PDE3A: variants seen among roughly 807,000 people sequenced by gnomAD.
PDE3A encodes the protein phosphodiesterase 3A.
Under a neutral mutation model 98.3 loss-of-function variants are expected in PDE3A, and 43 were observed. The observed-to-expected ratio is 0.44, with a 90% CI of 0.34 to 0.56. The LOEUF (loss-of-function observed/expected upper bound fraction) is 0.56. Among genes scored for constraint, PDE3A ranks in the 20% least tolerant of loss-of-function variants. The pLI, the probability that PDE3A is intolerant of heterozygous loss-of-function variation, is 0.01. For missense variants in PDE3A, 1,427 were observed against 1,440.7 expected, an observed-to-expected ratio of 0.99 and a Z score of 0.15; for synonymous variants, 663 against 567.9, an observed-to-expected ratio of 1.17 and a Z score of -2.38.
In PDE3A at chr12:20,688,181, C is replaced by A. The variant is rs1014264212; in HGVS notation, c.*7910C>A. Among the ~76,000 whole-genome samples the A allele has an allele frequency of 3.3e-4, 50 of 151,956 alleles. No homozygotes were observed. The highest frequency in any genetic ancestry group is 2.5e-3 in the South Asian group (12 of 4,824). On this transcript the variant is annotated 3_prime_UTR_variant, in exon 16 of 16. Transcript: ENST00000359062. ...ATAACTTTGCCAAATTTTTCAACTT[C>A]TAGAAAAACAAGAGTGAGTCTTTTG...
In PDE3A at chr12:20,552,691, A is replaced by C. The variant is rs1485934754; in HGVS notation, c.961-3969A>C. On this transcript the variant is annotated intron_variant, in intron 1 of 15. Transcript: ENST00000359062. This position sits in a 1 kb window ranked among gnomAD's most constrained non-coding sequence, Gnocchi z 5.1. The stretch of plus-strand genomic sequence containing the variant: ...GCAGAGCAGCCTCATCAGAGAGGAC[A>C]AGAGCAACGCCAAGCTGTGGAATGA... 1 of 1,613,892 alleles carries C rather than the reference A, an allele frequency of 6.2e-7. No homozygotes were observed. Among genetic ancestry groups the C allele is most frequent in the Non-Finnish European group, 8.5e-7 (1 of 1,179,892 alleles).
At position 20,552,776 on chromosome 12, in the gene PDE3A, G is replaced by A; in HGVS notation, c.961-3884G>A. ...GGCAGCCCGTTCCAGTTGTTCCTGAGTAAAGTGGAGGAGACGTTCCAGTGT... is the reference window on the plus strand; with the variant it reads ...GGCAGCCCGTTCCAGTTGTTCCTGAATAAAGTGGAGGAGACGTTCCAGTGT... On this transcript the variant is annotated intron_variant, in intron 1 of 15. Coordinates refer to ENST00000359062, the MANE Select transcript of PDE3A (RefSeq NM_000921.5). This position sits in a 1 kb window ranked among gnomAD's most constrained non-coding sequence, Gnocchi z 5.1. The A allele has an allele frequency of 6.2e-7, 1 of 1,614,050 alleles. No individual in the cohort carries two copies. The highest frequency in any genetic ancestry group is 1.7e-5 in the Admixed American group (1 of 60,032).
At chr12:20,649,654 A>G (rs991519565) in intron 13 of PDE3A, among the ~76,000 whole-genome samples, 1 of 152,188 alleles carries the variant, frequency 6.6e-6, no homozygotes, top group Admixed American at 6.5e-5. Flanking sequence ...GGCCAAGCAC[A>G]ATGGCTCACG....
At chr12:20,401,934 T>C (rs761160485) in intron 1 of PDE3A, among the ~76,000 whole-genome samples, 5 of 152,198 alleles carry the variant, frequency 3.3e-5, no homozygotes, top group Non-Finnish European at 5.9e-5. Context: ...GAAATTTAGA[T>C]AATATCTTAA....
chr12:20,369,366 G>T lies in PDE3A; in HGVS notation c.82G>T (p.Asp28Tyr). The change falls in exon 1 of 16, where the codon GAC (aspartate) becomes TAC (tyrosine). Residue 28 changes from aspartate to tyrosine, a missense_variant. Asp to Tyr is a radical substitution (Grantham distance 160). This residue lies in a region of PDE3A where 1,012 missense variants were observed against 886.5 expected (regional missense o/e 1.14). Coordinates refer to ENST00000359062, the MANE Select transcript of PDE3A (RefSeq NM_000921.5). ...GVSQAPTAGRDCHHRADPASP... is the reference protein window; with the variant it reads ...GVSQAPTAGRYCHHRADPASP... ...GAGTCAAGCCCCCACGGCGGGCCGG[G>T]ACTGCCACCATCGTGCGGACCCCGC... 6.5e-7 allele frequency: 1 copy of T among 1,549,458 alleles called. No individual in the cohort carries two copies. The highest frequency in any genetic ancestry group is 8.7e-7 in the Non-Finnish European group (1 of 1,146,980).
intron 10 of PDE3A, among the ~76,000 whole-genome samples, chr12:20,643,585 GATGT>G (rs1161444929): frequency 6.6e-6 from 1 of 151,808 alleles, no homozygotes; most frequent in Non-Finnish European, 1.5e-5. Flanking sequence ...CATATAACTA[GATGT>G]ATATGTTTAG....
chr12:20,560,395 C>T (rs1261553552), intron 2 of PDE3A, among the ~76,000 whole-genome samples: 1 of 152,108 alleles, frequency 6.6e-6, no homozygotes, highest in Non-Finnish European at 1.5e-5. Flanking sequence ...AAAGTAGTTA[C>T]ACCAAGGAGA....
At chr12:20,572,433 A>G (rs532240587) in intron 2 of PDE3A, among the ~76,000 whole-genome samples, 97 of 152,254 alleles carry the variant, frequency 6.4e-4, no homozygotes, top group African/African-American at 2.2e-3. Context: ...GTTAAACAGA[A>G]TATTTTATTA....
At chr12:20,397,147 T>G (rs1290025182) in intron 1 of PDE3A, among the ~76,000 whole-genome samples, 1 of 152,142 alleles carries the variant, frequency 6.6e-6, no homozygotes, top group African/African-American at 2.4e-5. Flanking sequence ...AAATGTATGT[T>G]TGTAAGTACA....
intron 1 of PDE3A, among the ~76,000 whole-genome samples, chr12:20,442,478 AC>A (rs1161851161): frequency 6.6e-6 from 1 of 152,174 alleles, no homozygotes; most frequent in East Asian, 1.9e-4. Flanking sequence ...GGTTCTCAGC[AC>A]TTCTGGCTGG....
Position 20,513,760 on chromosome 12 carries a change from C to A in PDE3A, c.961-42900C>A, listed in dbSNP as rs149468192. ...TTTGACACATCTGATAGAGATTCCA[C>A]TGAAGTTTTACTGAGATGATTGAAA... On this transcript the variant is annotated intron_variant, in intron 1 of 15. Coordinates refer to ENST00000359062, the MANE Select transcript of PDE3A (RefSeq NM_000921.5). Among the ~76,000 whole-genome samples the A allele has an allele frequency of 4.4e-4, 67 of 152,272 alleles. 1 individual carries two copies. Among genetic ancestry groups the A allele is most frequent in the Admixed American group, 4.2e-3 (64 of 15,282 alleles).
intron 15 of PDE3A, among the ~76,000 whole-genome samples, chr12:20,659,351 A>T (rs184639888): frequency 6.6e-6 from 1 of 152,278 alleles, no homozygotes; most frequent in Admixed American, 6.5e-5. Flanking sequence ...TCAAAATAAA[A>T]CTGTTAAAAG....
At chr12:20,427,601 T>G (rs1405007922) in intron 1 of PDE3A, among the ~76,000 whole-genome samples, 1 of 152,204 alleles carries the variant, frequency 6.6e-6, no homozygotes, top group Non-Finnish European at 1.5e-5. Flanking sequence ...ATGTTCAATT[T>G]CAGCAGTTTG....
At chr12:20,435,585 T>A (rs1252164095) in intron 1 of PDE3A, among the ~76,000 whole-genome samples, 1 of 152,018 alleles carries the variant, frequency 6.6e-6, no homozygotes, top group East Asian at 1.9e-4. Context: ...GATTTGGGAG[T>A]CATAAGATTT....
At chr12:20,385,473 C>G (rs140167785) in intron 1 of PDE3A, among the ~76,000 whole-genome samples, 1 of 151,936 alleles carries the variant, frequency 6.6e-6, no homozygotes, top group East Asian at 2.0e-4. Context: ...CATGCTGCTA[C>G]AAAGACACAT....
intron 2 of PDE3A, among the ~76,000 whole-genome samples, chr12:20,609,782 G>C (rs189188701): frequency 4.1e-4 from 62 of 152,104 alleles, no homozygotes; most frequent in Middle Eastern, 3.4e-3. Flanking sequence ...AAGGGTGCTA[G>C]GAGGACACAG....
chr12:20,520,559 T>C (rs1484976587), intron 1 of PDE3A, among the ~76,000 whole-genome samples: 3 of 152,190 alleles, frequency 2.0e-5, no homozygotes, highest in Admixed American at 2.0e-4. Flanking sequence ...TGTCTGCCAG[T>C]AGAATGAGAA....
intron 1 of PDE3A, among the ~76,000 whole-genome samples, chr12:20,525,470 G>A (rs563073592): frequency 6.8e-6 from 1 of 146,480 alleles, no homozygotes; most frequent in Admixed American, 6.8e-5. Context: ...ATTTGGTTGG[G>A]GGGGGGGGCT....
At chr12:20,647,223 TTAAC>T (rs2121515640) in intron 12 of PDE3A, among the ~76,000 whole-genome samples, 1 of 152,272 alleles carries the variant, frequency 6.6e-6, no homozygotes, top group East Asian at 1.9e-4. Flanking sequence ...ATGGACCTCT[TTAAC>T]AAACAAAAGG....
Sources: gnomAD v4.1 joint callset for allele counts (sites outside exome capture counted in the v4.1 genomes callset) on GRCh38, gnomAD v4.1.1 for gene constraint, gnomAD v4.1.1 regional missense constraint, Gnocchi (gnomAD v3.1) non-coding constraint, MANE v1.5 for transcripts, NCBI Gene and HGNC (gene_info 2026-07-23, HGNC 2026-07-21) for gene names.